Variants in MYO5B observed in about 807,000 individuals in gnomAD.
MYO5B encodes unconventional myosin-Vb.
A neutral mutation model predicts 229.3 loss-of-function variants in MYO5B; 143 were observed. That is an observed-to-expected ratio of 0.62 (90% CI 0.54 to 0.72). The LOEUF is 0.72. Among genes scored for constraint, MYO5B ranks in the 30% least tolerant of loss-of-function variants. The probability of loss-of-function intolerance (pLI) is 0.00; values close to 1 mark genes in which losing one functional copy is unlikely to be tolerated. For missense variants in MYO5B, 2,321 were observed against 2,331.0 expected, an observed-to-expected ratio of 1.00 and a Z score of 0.09; for synonymous variants, 918 against 885.2, an observed-to-expected ratio of 1.04 and a Z score of -0.66.
At chr18:49,951,101 A>C (rs2025426248) in intron 14 of MYO5B, among the ~76,000 whole-genome samples, 2 of 152,136 alleles carry the variant, frequency 1.3e-5, no homozygotes, top group African/African-American at 4.8e-5. Flanking sequence ...GGCATGTCAA[A>C]AGAAGTGTCA....
chr18:49,990,295 T>C (rs1357189261), intron 7 of MYO5B, 144 bp downstream of exon 7: 3 of 685,630 alleles, frequency 4.4e-6, no homozygotes, highest in Non-Finnish European at 7.8e-6. Flanking sequence ...CAGTGAAATT[T>C]AGAGAGGCCT....
intron 17 of MYO5B, among the ~76,000 whole-genome samples, chr18:49,918,559 C>G (rs911761580): frequency 6.6e-6 from 1 of 152,192 alleles, no homozygotes; most frequent in African/African-American, 2.4e-5. Flanking sequence ...GATTCCTGGT[C>G]ACATGGAGGT....
At chr18:49,829,952 TAACATCACA>T (rs1417268235) in intron 39 of MYO5B, among the ~76,000 whole-genome samples, 1 of 152,170 alleles carries the variant, frequency 6.6e-6, no homozygotes, top group Non-Finnish European at 1.5e-5. Context: ...ACCCCACATT[TAACATCACA>T]AATATCACAC....
intron 1 of MYO5B, among the ~76,000 whole-genome samples, chr18:50,146,957 C>T (rs550432997): frequency 2.0e-5 from 3 of 152,232 alleles, no homozygotes; most frequent in South Asian, 2.1e-4. Context: ...TTTTTCACTG[C>T]CCTCCAATCG....
chr18:49,984,766 C>CCA lies in MYO5B; in HGVS notation c.896_897dup (p.Asp300TrpfsTer19), dbSNP rs1399608211. 5 of 1,613,880 alleles carry CCA rather than the reference C, an allele frequency of 3.1e-6. No individual in the cohort carries two copies. In the African/African-American group the frequency reaches 6.7e-5, roughly 22 times the overall value. ...GTCTTCTCAAAGTCCTCAGCATCGT[C>CCA]CACACCCTCGATGGAAGTGTCTCCT... On this transcript the variant is annotated frameshift_variant, in exon 8 of 40. Coordinates refer to ENST00000285039, the MANE Select transcript of MYO5B (RefSeq NM_001080467.3). LOFTEE classifies it high-confidence loss of function.
chr18:49,841,083 C>T (rs1350524497), intron 35 of MYO5B, among the ~76,000 whole-genome samples: 2 of 152,216 alleles, frequency 1.3e-5, no homozygotes, highest in African/African-American at 2.4e-5. Context: ...TTCATGGAGA[C>T]TCCCAGGGCC....
chr18:49,838,043 T>C (rs1320340029), intron 36 of MYO5B, among the ~76,000 whole-genome samples: 1 of 152,202 alleles, frequency 6.6e-6, no homozygotes, highest in Non-Finnish European at 1.5e-5. Context: ...ACAAAGATGA[T>C]GGGCATGTAC....
rs1441889791 is a variant in MYO5B at position 50,145,401 on chromosome 18, G to A, written c.27+49366C>T. 4.0e-5 allele frequency among the ~76,000 whole-genome samples: 6 copies of A among 150,192 alleles called. No homozygotes were observed. The Admixed American group carries it at 4.0e-4, about 10-fold the overall frequency. On this transcript the variant is annotated intron_variant, in intron 1 of 39. Coordinates refer to ENST00000285039, the MANE Select transcript of MYO5B (RefSeq NM_001080467.3). ...ACTCGGGAGGCTGAGGCAGGAGAATGGCGTGAACCCGGGAGGCAGAGCTTG... is the reference window on the plus strand; with the variant it reads ...ACTCGGGAGGCTGAGGCAGGAGAATAGCGTGAACCCGGGAGGCAGAGCTTG...
chr18:50,132,748 G>A (rs1431913835), intron 1 of MYO5B, among the ~76,000 whole-genome samples: 1 of 152,206 alleles, frequency 6.6e-6, no homozygotes, highest in Non-Finnish European at 1.5e-5. Flanking sequence ...AACCTCCAAT[G>A]TTTAAACATA....
intron 10 of MYO5B, 41 bp downstream of exon 10, chr18:49,974,309 C>A: frequency 6.2e-7 from 1 of 1,613,988 alleles, no homozygotes; most frequent in Non-Finnish European, 8.5e-7. Flanking sequence ...CAGGAAGCCA[C>A]TCCCAGGTAG....
intron 1 of MYO5B, among the ~76,000 whole-genome samples, chr18:50,149,389 CCAAAAGAA>C (rs2032558154): frequency 6.6e-6 from 1 of 151,788 alleles, no homozygotes; most frequent in South Asian, 2.1e-4. Flanking sequence ...CAATCCTAAG[CCAAAAGAA>C]CAAAGCTGGA....
intron 1 of MYO5B, among the ~76,000 whole-genome samples, chr18:50,113,638 A>C (rs9954152): frequency 0.3 from 46,226 of 152,158 alleles, 7,538 homozygotes; most frequent in Admixed American, 0.45. Flanking sequence ...TCCAAAAAGC[A>C]TCAACTACAC....
chr18:49,957,142 CAAAA>C (rs71169467), intron 12 of MYO5B, among the ~76,000 whole-genome samples: 25 of 58,738 alleles, frequency 4.3e-4, no homozygotes, highest in Admixed American at 4.1e-3. Context: ...AATAAAGTAG[CAAAA>C]AAAAAAAAAA....
intron 4 of MYO5B, among the ~76,000 whole-genome samples, chr18:50,024,090 C>A (rs756625431): frequency 1.3e-5 from 2 of 152,116 alleles, no homozygotes; most frequent in Non-Finnish European, 2.9e-5. Flanking sequence ...AGCTGGAGTT[C>A]GTACACATCA....
chr18:50,176,824 T>C (rs934991564), intron 1 of MYO5B, among the ~76,000 whole-genome samples: 2 of 152,214 alleles, frequency 1.3e-5, no homozygotes, highest in African/African-American at 2.4e-5. Flanking sequence ...AAGCAACTGC[T>C]TTTTTTGCTC....
At chr18:50,017,183 T>A (rs1231041122) in intron 4 of MYO5B, among the ~76,000 whole-genome samples, 1 of 152,192 alleles carries the variant, frequency 6.6e-6, no homozygotes, top group Admixed American at 6.5e-5. Context: ...AGCGGCATGA[T>A]CTCAGCTCAC....
intron 4 of MYO5B, among the ~76,000 whole-genome samples, chr18:50,020,654 G>A (rs551709538): frequency 1.3e-5 from 2 of 152,360 alleles, no homozygotes; most frequent in East Asian, 3.9e-4. Flanking sequence ...GCAAGGATGT[G>A]GCTCATGCCA....
Position 49,905,244 on chromosome 18 carries a change from C to T in MYO5B, c.2415-416G>A, listed in dbSNP as rs562158738. 9.8e-5 allele frequency among the ~76,000 whole-genome samples: 15 copies of T among 152,344 alleles called. No homozygotes were observed. The South Asian group carries it at 2.9e-3, about 29-fold the overall frequency. On this transcript the variant is annotated intron_variant, in intron 19 of 39. Transcript: ENST00000285039. ...GAGATCCCAGGGGCTGTGTCTCCATCATCCTGGACCCACTGTAGGCACTGG... is the reference window on the plus strand; with the variant it reads ...GAGATCCCAGGGGCTGTGTCTCCATTATCCTGGACCCACTGTAGGCACTGG...
rs200283921 is a variant in MYO5B, at chr18:50,053,524, AT to A, written c.138+1743del. Among the ~76,000 whole-genome samples, 23 of 151,242 alleles carry A rather than the reference AT, an allele frequency of 1.5e-4. 1 individual carries two copies. In the East Asian group the frequency reaches 3.7e-3, roughly 24 times the overall value. ...CCATTCAAGTGGGTGGACTAATTTC[AT>A]TTTTTTTTCCTGGGGGTGGGGTGGG... is the stretch of plus-strand genomic sequence containing the variant. On this transcript the variant is annotated intron_variant, in intron 2 of 39. Coordinates refer to ENST00000285039, the MANE Select transcript of MYO5B (RefSeq NM_001080467.3).
Sources: gnomAD v4.1 joint callset for allele counts (sites outside exome capture counted in the v4.1 genomes callset) on GRCh38, gnomAD v4.1.1 for gene constraint, MANE v1.5 for transcripts, NCBI Gene and HGNC (gene_info 2026-07-23, HGNC 2026-07-21) for gene names.